MAOA: variants seen among roughly 807,000 people sequenced by gnomAD.
MAOA encodes the protein amine oxidase [flavin-containing] A.
A neutral mutation model predicts 42.0 loss-of-function variants in MAOA; 6 were observed. The observed-to-expected ratio is 0.14, with a 90% CI of 0.08 to 0.28. The LOEUF (loss-of-function observed/expected upper bound fraction) is 0.28, where lower values mean the gene tolerates loss of function less well. MAOA is among the 10% of genes least tolerant of loss of function. MAOA has a pLI of 1.00. For missense variants in MAOA, 262 were observed against 422.3 expected, an observed-to-expected ratio of 0.62 and a Z score of 3.33; for synonymous variants, 140 against 154.0, an observed-to-expected ratio of 0.91 and a Z score of 0.67.
intron 2 of MAOA, among the ~76,000 whole-genome samples, chrX:43,684,836 T>A (rs1010672809): frequency 2.7e-5 from 3 of 110,153 alleles, no homozygotes; most frequent in Non-Finnish European, 5.7e-5. Context: ...TGCTCTTCTT[T>A]CTGCTCTGAT....
chrX:43,706,672 G>A (rs768300138), intron 3 of MAOA, among the ~76,000 whole-genome samples: 3 of 102,563 alleles, frequency 2.9e-5, no homozygotes, highest in Non-Finnish European at 5.7e-5. Context: ...AATTAGCCAT[G>A]CATAGTGGCA....
At chrX:43,678,390 T>C (rs2033417640) in intron 1 of MAOA, among the ~76,000 whole-genome samples, 1 of 112,228 alleles carries the variant, frequency 8.9e-6, no homozygotes, top group Admixed American at 9.5e-5. Flanking sequence ...AGATTTAAGA[T>C]GAGATTTTTC....
intron 7 of MAOA, 49 bp from the exon 8 acceptor site, chrX:43,731,645 A>G: frequency 8.7e-7 from 1 of 1,143,401 alleles, no homozygotes; most frequent in South Asian, 1.8e-5. Flanking sequence ...GCCTGCCACA[A>G]AGACTGCAGC....
intron 2 of MAOA, among the ~76,000 whole-genome samples, chrX:43,684,094 C>A (rs2033465411): frequency 9.0e-6 from 1 of 111,571 alleles, no homozygotes; most frequent in Admixed American, 9.6e-5. Flanking sequence ...TAAGCAGGAA[C>A]AAATGTAGCA....
At chrX:43,742,076 C>G (rs1445643958) in intron 12 of MAOA, 29 bp downstream of exon 12, 7 of 1,209,924 alleles carry the variant, frequency 5.8e-6, no homozygotes, top group Non-Finnish European at 5.6e-6. Context: ...GCCAATTAAT[C>G]CAAGACCTGT....
chrX:43,698,900 A>C (rs1240440337), intron 3 of MAOA, among the ~76,000 whole-genome samples: 1 of 111,927 alleles, frequency 8.9e-6, no homozygotes, highest in East Asian at 2.8e-4. Flanking sequence ...TTAAAGGTAG[A>C]TTCTTAAATG....
intron 5 of MAOA, 75 bp from the exon 6 acceptor site, chrX:43,728,098 C>T (rs1372792006): frequency 1.4e-5 from 14 of 1,001,448 alleles, no homozygotes; most frequent in Middle Eastern, 2.5e-4. Flanking sequence ...CACACTAAAT[C>T]GTGTTGTAAA....
intron 9 of MAOA, among the ~76,000 whole-genome samples, chrX:43,735,384 A>G (rs1456054131): frequency 8.9e-6 from 1 of 112,584 alleles, no homozygotes; most frequent in African/African-American, 3.2e-5. Flanking sequence ...ATTCTTTTAA[A>G]TATACATGCA....
intron 3 of MAOA, 148 bp downstream of exon 3, chrX:43,693,576 T>A: frequency 8.0e-6 from 5 of 622,989 alleles, no homozygotes; most frequent in Non-Finnish European, 1.2e-5. Flanking sequence ...TTTCTTGTTT[T>A]CTTTTTTCTT....
In MAOA at chrX:43,727,458, C is replaced by T. The variant is rs773905910; in HGVS notation, c.504-715C>T. Among the ~76,000 whole-genome samples, 332 of 112,219 alleles carry T rather than the reference C, an allele frequency of 3.0e-3. 1 individual carries two copies. Among genetic ancestry groups the T allele is most frequent in the South Asian group, 7.8e-3 (21 of 2,686 alleles). ...GAACTTCCTGGTGGCTTTGTTTACA[C>T]TGTGAGCATAAAACTGCCTACTCAA... On this transcript the variant is annotated intron_variant, in intron 5 of 14. Transcript: ENST00000338702.
chrX:43,709,026 A>C (rs181888823), intron 3 of MAOA, among the ~76,000 whole-genome samples: 1 of 109,625 alleles, frequency 9.1e-6, no homozygotes. Flanking sequence ...ACGCCCTGCT[A>C]ATTTTCGTAT....
intron 10 of MAOA, among the ~76,000 whole-genome samples, chrX:43,737,109 T>G (rs1488882014): frequency 8.9e-6 from 1 of 111,871 alleles, no homozygotes; most frequent in Non-Finnish European, 1.9e-5. Context: ...ACGGATTTGT[T>G]TATTTGAATC....
rs1359931360 is a variant in MAOA at position 43,745,952 on chromosome X, T to C, written c.*1439T>C. On this transcript the variant is annotated 3_prime_UTR_variant, in exon 15 of 15. Transcript: ENST00000338702. ...GTTGCTGGACCCTGGTGTGAGGACA[T>C]AAATCTTCCAAAGTTTTGCCTATCC... 1 of 112,219 alleles carries C rather than the reference T, an allele frequency of 8.9e-6. No homozygotes were observed. The highest frequency in any genetic ancestry group is 3.2e-5 in the African/African-American group (1 of 30,875). 9.2% of individuals were successfully genotyped at this position (112,219 alleles called of 1,213,427 possible).
chrX:43,685,853 T>C (rs2033483662), intron 2 of MAOA, among the ~76,000 whole-genome samples: 1 of 111,977 alleles, frequency 8.9e-6, no homozygotes, highest in Admixed American at 9.5e-5. Context: ...ATTTTCTGAG[T>C]GCTCCCTTAG....
At chrX:43,695,879 T>A (rs1047803271) in intron 3 of MAOA, among the ~76,000 whole-genome samples, 3 of 112,207 alleles carry the variant, frequency 2.7e-5, no homozygotes, top group Admixed American at 9.5e-5. Context: ...AAGTTCTGTT[T>A]GAGAATTTTG....
At chrX:43,726,753 C>T (rs750184228) in intron 5 of MAOA, among the ~76,000 whole-genome samples, 2 of 111,840 alleles carry the variant, frequency 1.8e-5, no homozygotes, top group South Asian at 3.7e-4. Flanking sequence ...AGAGAAGAGG[C>T]GTTCTGGTTT....
At chrX:43,721,686 TTC>T (rs1179513394) in intron 5 of MAOA, among the ~76,000 whole-genome samples, 2 of 107,038 alleles carry the variant, frequency 1.9e-5, no homozygotes, top group Non-Finnish European at 1.9e-5. Context: ...AACTCATAAT[TTC>T]TTTTTTTTTT....
intron 2 of MAOA, 120 bp from the exon 3 acceptor site, chrX:43,693,171 T>C: frequency 1.5e-6 from 1 of 681,194 alleles, no homozygotes; most frequent in Non-Finnish European, 2.3e-6. Flanking sequence ...AGTTGCTCTT[T>C]ATAGGGGAGA....
chrX:43,726,600 C>G (rs2033837975), intron 5 of MAOA, among the ~76,000 whole-genome samples: 1 of 111,930 alleles, frequency 8.9e-6, no homozygotes, highest in Middle Eastern at 4.2e-3. Context: ...TTCTTAGCTT[C>G]CTTGCATTGG....
Sources: allele counts gnomAD v4.1 joint callset (sites outside exome capture counted in the v4.1 genomes callset), GRCh38; gene constraint gnomAD v4.1.1; transcripts MANE v1.5; gene names NCBI Gene and HGNC (gene_info 2026-07-23, HGNC 2026-07-21).